Variants in ADAMTS17 observed in about 807,000 individuals in gnomAD.
ADAMTS17 encodes the protein ADAM metallopeptidase with thrombospondin type 1 motif 17.
Under a neutral mutation model 141.5 loss-of-function variants are expected in ADAMTS17, and 113 were observed. The ratio of observed to expected loss-of-function variants is 0.80; its 90% confidence interval spans 0.69 to 0.93. The LOEUF (loss-of-function observed/expected upper bound fraction) is 0.93, where lower values mean the gene tolerates loss of function less well. ADAMTS17 is among the 40% of genes least tolerant of loss of function. The pLI is 0.00. For missense variants in ADAMTS17, 1,659 were observed against 1,517.9 expected (o/e 1.09, Z -1.54); for synonymous variants, 768 against 630.6 (o/e 1.22, Z -3.27).
chr15:100,193,037 T>A (rs755525280), intron 8 of ADAMTS17, among the ~76,000 whole-genome samples: 3 of 152,232 alleles, frequency 2.0e-5, no homozygotes, highest in Non-Finnish European at 4.4e-5. Flanking sequence ...TGGCACAGCA[T>A]CACATCTGGC....
At chr15:100,083,763 TC>T (rs984738781) in intron 15 of ADAMTS17, among the ~76,000 whole-genome samples, 7 of 149,772 alleles carry the variant, frequency 4.7e-5, no homozygotes, top group Non-Finnish European at 8.9e-5. Context: ...TATGATGCTT[TC>T]CAACCACATG....
intron 7 of ADAMTS17, among the ~76,000 whole-genome samples, chr15:100,228,528 A>G (rs1338696112): frequency 6.6e-6 from 1 of 152,172 alleles, no homozygotes; most frequent in African/African-American, 2.4e-5. Flanking sequence ...TGGACCGAGG[A>G]GAAAAGGAAA....
At chr15:100,107,191 G>A (rs1320308288) in intron 14 of ADAMTS17, among the ~76,000 whole-genome samples, 2 of 152,178 alleles carry the variant, frequency 1.3e-5, no homozygotes, top group African/African-American at 4.8e-5. Context: ...TTTATGCCTT[G>A]CCTCCTCTTG....
At chr15:100,129,825 T>A (rs562053817) in intron 12 of ADAMTS17, 1 of 152,010 alleles carries the variant, frequency 6.6e-6, no homozygotes, top group African/African-American at 2.4e-5. Context: ...CACTCTACCA[T>A]GTCCGCTCCC....
At chr15:100,232,512 T>G in intron 7 of ADAMTS17, among the ~76,000 whole-genome samples, 1 of 152,188 alleles carries the variant, frequency 6.6e-6, no homozygotes, top group Non-Finnish European at 1.5e-5. Context: ...AAACCCACCT[T>G]CTTCTTAACA....
intron 7 of ADAMTS17, among the ~76,000 whole-genome samples, chr15:100,235,163 G>A (rs905786147): frequency 8.5e-5 from 13 of 152,148 alleles, no homozygotes; most frequent in Non-Finnish European, 1.9e-4. Flanking sequence ...AGAAACGGAA[G>A]GGAGAAATGG....
At chr15:100,090,829 A>T (rs2035412627) in intron 15 of ADAMTS17, among the ~76,000 whole-genome samples, 1 of 150,776 alleles carries the variant, frequency 6.6e-6, no homozygotes, top group Non-Finnish European at 1.5e-5. Context: ...GACACGGTGA[A>T]ACCCCATCTC....
At chr15:100,069,345 C>T (rs1052656229) in intron 15 of ADAMTS17, among the ~76,000 whole-genome samples, 10 of 152,150 alleles carry the variant, frequency 6.6e-5, no homozygotes, top group Non-Finnish European at 1.2e-4. Flanking sequence ...GAGAACTTCC[C>T]CAATCTAGCA....
Position 99,972,184 on chromosome 15 carries a change from G to C in ADAMTS17, c.*2218C>G, listed in dbSNP as rs546025943. 1 of 152,350 alleles carries C rather than the reference G, an allele frequency of 6.6e-6. No individual in the cohort carries two copies. Among genetic ancestry groups the C allele is most frequent in the Admixed American group, 6.5e-5 (1 of 15,300 alleles). The allele number at this position is 152,350 out of a possible 1,614,324, so 9.4% of individuals were successfully genotyped here. ...AAGAATGGCCTGAACCCGGGAGGCG[G>C]AGCTTTCAATGAGCTGAGATCGCGC... is the stretch of plus-strand genomic sequence containing the variant. On this transcript the variant is annotated 3_prime_UTR_variant, in exon 22 of 22. Coordinates refer to ENST00000268070, the MANE Select transcript of ADAMTS17 (RefSeq NM_139057.4).
At chr15:100,178,503 A>C (rs1020037503) in intron 8 of ADAMTS17, among the ~76,000 whole-genome samples, 1 of 152,220 alleles carries the variant, frequency 6.6e-6, no homozygotes. Context: ...CTTATGCTTC[A>C]AAGCTAGAAT....
At chr15:100,210,777 C>G (rs2041775265) in intron 7 of ADAMTS17, among the ~76,000 whole-genome samples, 1 of 151,096 alleles carries the variant, frequency 6.6e-6, no homozygotes, top group South Asian at 2.1e-4. Flanking sequence ...GCCAGCCCAG[C>G]CAGCATGGCT....
chr15:100,090,115 C>T (rs2035362680), intron 15 of ADAMTS17, among the ~76,000 whole-genome samples: 1 of 151,910 alleles, frequency 6.6e-6, no homozygotes, highest in African/African-American at 2.4e-5. Flanking sequence ...GATTGTGGCA[C>T]AAAATATTCT....
chr15:100,176,834 T>C (rs189724457), intron 8 of ADAMTS17, among the ~76,000 whole-genome samples: 37 of 152,352 alleles, frequency 2.4e-4, no homozygotes, highest in African/African-American at 7.9e-4. Flanking sequence ...AACTGTTATT[T>C]CACAAATGTT....
intron 4 of ADAMTS17, among the ~76,000 whole-genome samples, chr15:100,270,665 G>T (rs192585289): frequency 9.3e-4 from 141 of 151,420 alleles, no homozygotes; most frequent in African/African-American, 3.4e-3. Context: ...AAATGTTGAT[G>T]GTGTAGACAT....
intron 7 of ADAMTS17, among the ~76,000 whole-genome samples, chr15:100,222,174 G>C (rs1290240611): frequency 1.3e-5 from 2 of 152,190 alleles, no homozygotes; most frequent in Admixed American, 6.5e-5. Context: ...CATCCACACA[G>C]AACAAGGTGG....
At chr15:100,286,478 T>G (rs2142101965) in intron 3 of ADAMTS17, among the ~76,000 whole-genome samples, 1 of 152,210 alleles carries the variant, frequency 6.6e-6, no homozygotes, top group Admixed American at 6.5e-5. Flanking sequence ...GTGCATCAGG[T>G]TACTAACTGC....
chr15:100,330,476 C>G (rs1043620796), intron 3 of ADAMTS17, among the ~76,000 whole-genome samples: 3 of 152,216 alleles, frequency 2.0e-5, no homozygotes, highest in Middle Eastern at 3.4e-3. Flanking sequence ...AATCGAGAAT[C>G]GAATCACAGC....
intron 13 of ADAMTS17, among the ~76,000 whole-genome samples, chr15:100,114,581 G>A (rs538306446): frequency 1.1e-4 from 17 of 152,318 alleles, no homozygotes; most frequent in African/African-American, 2.2e-4. Context: ...AGCCCCGAGC[G>A]TGGGGTCTCT....
intron 14 of ADAMTS17, 86 bp downstream of exon 14, chr15:100,108,903 G>C (rs2036569977): frequency 6.2e-7 from 1 of 1,605,946 alleles, no homozygotes; most frequent in African/African-American, 1.3e-5. Flanking sequence ...GGCCTCCTGA[G>C]ACCTCTGCTC....
Sources: gnomAD v4.1 joint callset for allele counts (sites outside exome capture counted in the v4.1 genomes callset) on GRCh38, gnomAD v4.1.1 for gene constraint, MANE v1.5 for transcripts, NCBI Gene and HGNC (gene_info 2026-07-23, HGNC 2026-07-21) for gene names.